The following PLXNA4 variants were observed in gnomAD, a reference collection of about 807,000 sequenced individuals.
PLXNA4 encodes plexin A4.
Under a neutral mutation model 191.8 loss-of-function variants are expected in PLXNA4, and 44 were observed. That is an observed-to-expected ratio of 0.23 (90% confidence interval 0.18 to 0.29). PLXNA4 has a LOEUF of 0.29. PLXNA4 is among the 10% of genes least tolerant of loss of function. PLXNA4 has a pLI of 1.00. For missense variants in PLXNA4, 1,800 were observed against 2,488.8 expected (o/e 0.72, Z 5.89); for synonymous variants, 1,082 against 1,009.5 (o/e 1.07, Z -1.36).
At chr7:132,346,278 G>C (rs549818835) in intron 3 of PLXNA4, among the ~76,000 whole-genome samples, 2 of 152,182 alleles carry the variant, frequency 1.3e-5, no homozygotes, top group Admixed American at 6.5e-5. Flanking sequence ...CATGCCTTAC[G>C]AGTACAAAGG....
chr7:132,468,734 G>A lies in PLXNA4; in HGVS notation c.1371+20558C>T, dbSNP rs868713459. Among the ~76,000 whole-genome samples, 718 of 145,338 alleles carry A rather than the reference G, an allele frequency of 4.9e-3. 6 individuals are homozygous for A. The highest frequency in any genetic ancestry group is 0.017 in the African/African-American group (678 of 40,122). Reference sequence around the variant, plus strand: ...CCTTCAACACACACAATATGCACACGCACACACACACACACACACACAATA... The same window carrying A: ...CCTTCAACACACACAATATGCACACACACACACACACACACACACACAATA... On this transcript the variant is annotated intron_variant, in intron 3 of 31. Coordinates refer to ENST00000321063, the MANE Select transcript of PLXNA4 (RefSeq NM_020911.2).
At chr7:132,200,401 G>C (rs1360365818) in intron 12 of PLXNA4, among the ~76,000 whole-genome samples, 1 of 152,198 alleles carries the variant, frequency 6.6e-6, no homozygotes, top group Non-Finnish European at 1.5e-5. Context: ...CATGGGCCCA[G>C]GTATGGGGTC....
intron 3 of PLXNA4, among the ~76,000 whole-genome samples, chr7:132,400,675 G>A (rs560181554): frequency 2.6e-5 from 4 of 152,096 alleles, no homozygotes; most frequent in African/African-American, 9.7e-5. Flanking sequence ...TGCATACCAC[G>A]CATTTACTTC....
At chr7:132,258,975 A>T (rs1351498060) in intron 4 of PLXNA4, among the ~76,000 whole-genome samples, 2 of 152,164 alleles carry the variant, frequency 1.3e-5, no homozygotes, top group East Asian at 3.8e-4. Context: ...GCAACATTAA[A>T]CTGTGTTTAC....
intron 4 of PLXNA4, among the ~76,000 whole-genome samples, chr7:132,250,042 G>A (rs1799190493): frequency 6.6e-6 from 1 of 152,346 alleles, no homozygotes; most frequent in South Asian, 2.1e-4. Flanking sequence ...CAAGTGAGAA[G>A]CAGAGATCTG....
intron 1 of PLXNA4, among the ~76,000 whole-genome samples, chr7:132,559,917 A>G (rs1800963566): frequency 1.3e-5 from 2 of 152,218 alleles, no homozygotes; most frequent in Admixed American, 1.3e-4. Context: ...TGTGTGAAGC[A>G]AAGATATGAG....
intron 22 of PLXNA4, 59 bp from the exon 23 acceptor site, chr7:132,165,259 G>C: frequency 1.3e-6 from 2 of 1,581,480 alleles, no homozygotes; most frequent in Non-Finnish European, 1.7e-6. Flanking sequence ...CAGCTGGTCA[G>C]AGCCCGTGGG....
intron 3 of PLXNA4, among the ~76,000 whole-genome samples, chr7:132,416,686 A>G (rs1476453033): frequency 6.6e-6 from 1 of 152,228 alleles, no homozygotes; most frequent in Admixed American, 6.5e-5. Context: ...GAGACATTGA[A>G]CATTTGTAAA....
chr7:132,500,276 G>T (rs944757670), intron 2 of PLXNA4, among the ~76,000 whole-genome samples: 1 of 152,100 alleles, frequency 6.6e-6, no homozygotes, highest in Non-Finnish European at 1.5e-5. Flanking sequence ...AACCCTGTCT[G>T]TACTAAAAAT....
At chr7:132,223,416 G>T in intron 9 of PLXNA4, 111 bp downstream of exon 9, 1 of 857,216 alleles carries the variant, frequency 1.2e-6, no homozygotes. Flanking sequence ...AGGAAGAAGG[G>T]GGTGGTCCTG....
intron 1 of PLXNA4, among the ~76,000 whole-genome samples, chr7:132,533,389 A>G (rs1799703684): frequency 6.6e-6 from 1 of 152,156 alleles, no homozygotes; most frequent in South Asian, 2.1e-4. Context: ...AAGGCCCCCA[A>G]CATGAAAAGA....
intron 1 of PLXNA4, among the ~76,000 whole-genome samples, chr7:132,543,643 TA>T (rs1261365490): frequency 2.0e-5 from 3 of 152,182 alleles, no homozygotes; most frequent in Non-Finnish European, 4.4e-5. Flanking sequence ...TGGGAGGAAA[TA>T]AAAGATAAAC....
intron 10 of PLXNA4, among the ~76,000 whole-genome samples, chr7:132,205,215 G>A (rs10245338): frequency 0.12 from 18,868 of 152,146 alleles, 1,215 homozygotes; most frequent in African/African-American, 0.14. Context: ...AAGTTGTCCT[G>A]AAAACCTCTT....
At chr7:132,187,410 A>G (rs1442474368) in intron 15 of PLXNA4, 61 bp downstream of exon 15, 1 of 1,559,648 alleles carries the variant, frequency 6.4e-7, no homozygotes, top group African/African-American at 1.4e-5. Flanking sequence ...GCTACCCTGA[A>G]GTCATTTACC....
chr7:132,573,385 C>G (rs547401503), intron 1 of PLXNA4, among the ~76,000 whole-genome samples: 1 of 152,114 alleles, frequency 6.6e-6, no homozygotes, highest in African/African-American at 2.4e-5. Context: ...AAGAAATGCC[C>G]CCTAGCTGGC....
intron 1 of PLXNA4, among the ~76,000 whole-genome samples, chr7:132,560,243 C>T (rs1033298620): frequency 8.5e-5 from 13 of 152,136 alleles, no homozygotes; most frequent in Non-Finnish European, 1.9e-4. Flanking sequence ...AGGAAGGGAA[C>T]AAGCAGAACA....
chr7:132,447,057 C>A (rs1442931184), intron 3 of PLXNA4, among the ~76,000 whole-genome samples: 1 of 152,164 alleles, frequency 6.6e-6, no homozygotes, highest in African/African-American at 2.4e-5. Flanking sequence ...ATCCTCCTAT[C>A]CCCTCTCTTG....
chr7:132,468,934 C>T (rs939024089), intron 3 of PLXNA4, among the ~76,000 whole-genome samples: 23 of 151,826 alleles, frequency 1.5e-4, no homozygotes, highest in Non-Finnish European at 1.2e-4. Context: ...AGAAAATGCC[C>T]ACTCTGAAGC....
intron 26 of PLXNA4, 97 bp from the exon 27 acceptor site, chr7:132,148,096 G>T: frequency 6.4e-7 from 1 of 1,573,690 alleles, no homozygotes; most frequent in South Asian, 1.1e-5. Context: ...AGGGGAAATT[G>T]GTGCCTTGCT....
Sources: gnomAD v4.1 joint callset for allele counts (sites outside exome capture counted in the v4.1 genomes callset) on GRCh38, gnomAD v4.1.1 for gene constraint, MANE v1.5 for transcripts, NCBI Gene and HGNC (gene_info 2026-07-23, HGNC 2026-07-21) for gene names.